BICRA: variants seen among roughly 807,000 people sequenced by gnomAD.
BICRA encodes BRD4 interacting chromatin remodeling complex associated protein.
A neutral mutation model predicts 96.9 loss-of-function variants in BICRA; 31 were observed. The ratio of observed to expected loss-of-function variants is 0.32; its 90% confidence interval spans 0.24 to 0.43. The LOEUF is 0.43. BICRA is among the 20% of genes least tolerant of loss of function. The pLI is 1.00. For synonymous variants in BICRA, 1,350 were observed against 1,071.8 expected (o/e 1.26, Z -5.07); for missense variants, 2,283 against 2,190.3 (o/e 1.04, Z -0.84).
rs1973023579 is a variant in BICRA at position 47,680,455 on chromosome 19, G to GCCACCA, written c.1291_1296dup (p.Thr431_Thr432dup). ...AGCGAACGTCTTCAAGCAGCCACCG[G>GCCACCA]CCACCACCACCGGAGCGGCCCCGCC... On this transcript the variant is annotated inframe_insertion, in exon 6 of 15. Coordinates refer to ENST00000594866, the MANE Select transcript of BICRA (RefSeq NM_001394372.1). 1 of 1,539,778 alleles carries GCCACCA rather than the reference G, an allele frequency of 6.5e-7. No individual in the cohort carries two copies. The highest frequency in any genetic ancestry group is 8.7e-7 in the Non-Finnish European group (1 of 1,146,038).
rs572687679 is a variant in BICRA, at chr19:47,680,181, C to G, written c.1011C>G (p.Val337=). ...CAGGCCTCGGCTCGTCGCCACTGGT[C>G]CCGGCGCCCAACGTGATCCTGCATC... ...VAPGLGSSPL[V]PAPNVILHRT... is the part of the protein sequence containing the mutation. Residue 337 remains valine (V), a synonymous_variant, in exon 6 of 15, where the codon GTC becomes GTG. Transcript: ENST00000594866. 71 of 1,542,306 alleles carry G rather than the reference C, an allele frequency of 4.6e-5. No homozygotes were observed. Among genetic ancestry groups the G allele is most frequent in the Admixed American group, 3.9e-5 (2 of 51,674 alleles).
chr19:47,647,841 T>TG (rs1972483362), intron 1 of BICRA, among the ~76,000 whole-genome samples: 1 of 145,840 alleles, frequency 6.9e-6, no homozygotes, highest in African/African-American at 2.6e-5. Context: ...CTGTCCACGA[T>TG]GGGGGGTGTC....
intron 1 of BICRA, among the ~76,000 whole-genome samples, chr19:47,655,292 G>A (rs565210154): frequency 3.9e-5 from 6 of 151,996 alleles, no homozygotes; most frequent in African/African-American, 1.2e-4. Context: ...TTGGGAGGCC[G>A]AAGCAGGTGG....
intron 7 of BICRA, among the ~76,000 whole-genome samples, chr19:47,691,584 G>A (rs1177612658): frequency 2.6e-5 from 4 of 152,028 alleles, no homozygotes; most frequent in Non-Finnish European, 5.9e-5. Flanking sequence ...TTATTTTTGA[G>A]TCTGAGTCTC....
At chr19:47,666,403 C>T (rs890636546) in intron 1 of BICRA, among the ~76,000 whole-genome samples, 5 of 151,920 alleles carry the variant, frequency 3.3e-5, no homozygotes, top group South Asian at 2.1e-4. Context: ...CCTCAGCCTG[C>T]GGAGTAACTG....
At chr19:47,685,700 G>A (rs1396779461) in intron 7 of BICRA, among the ~76,000 whole-genome samples, 2 of 150,838 alleles carry the variant, frequency 1.3e-5, no homozygotes, top group Non-Finnish European at 2.9e-5. Flanking sequence ...GCACTCGGAA[G>A]GAACTCTGTG....
At chr19:47,695,249 G>A in intron 9 of BICRA, 116 bp from the exon 10 acceptor site, 1 of 763,666 alleles carries the variant, frequency 1.3e-6, no homozygotes, top group Non-Finnish European at 2.2e-6. Context: ...CCCCAGATTT[G>A]AAGGGCCGGA....
intron 1 of BICRA, among the ~76,000 whole-genome samples, chr19:47,611,386 G>A (rs988207974): frequency 2.0e-5 from 3 of 152,130 alleles, no homozygotes; most frequent in Non-Finnish European, 4.4e-5. Context: ...CAGGAACTGA[G>A]AACTGAAGGT....
chr19:47,681,330 A>T, intron 6 of BICRA, 54 bp downstream of exon 6: 1 of 1,476,478 alleles, frequency 6.8e-7, no homozygotes, highest in Non-Finnish European at 9.2e-7. Context: ...TTTGGGAGGA[A>T]GAGGGGTCCT....
At chr19:47,700,917 G>T in intron 14 of BICRA, 1 of 232,308 alleles carries the variant, frequency 4.3e-6, no homozygotes, top group Non-Finnish European at 8.3e-6. Flanking sequence ...CTGTCCAATA[G>T]AACTTCATAT....
intron 1 of BICRA, among the ~76,000 whole-genome samples, chr19:47,635,529 A>G (rs750094034): frequency 3.3e-5 from 5 of 152,142 alleles, no homozygotes; most frequent in Admixed American, 6.6e-5. Flanking sequence ...CTGGGATTGC[A>G]GGCATGAGCC....
At chr19:47,650,064 G>C (rs1972519213) in intron 1 of BICRA, among the ~76,000 whole-genome samples, 2 of 151,918 alleles carry the variant, frequency 1.3e-5, no homozygotes, top group Non-Finnish European at 2.9e-5. Flanking sequence ...TGATTATCCT[G>C]CCTCAGCTTC....
chr19:47,695,342 T>TCCCA, intron 9 of BICRA, 23 bp from the exon 10 acceptor site: 6 of 630,196 alleles, frequency 9.5e-6, no homozygotes, highest in South Asian at 3.9e-5. Flanking sequence ...AGGCCCTGTC[T>TCCCA]CCCCCACCCC....
intron 7 of BICRA, among the ~76,000 whole-genome samples, chr19:47,684,936 CACTT>C (rs779842093): frequency 1.5e-4 from 23 of 152,148 alleles, no homozygotes; most frequent in Non-Finnish European, 1.3e-4. Flanking sequence ...AGTGAACAGA[CACTT>C]ACTGTTAGCA....
chr19:47,673,209 C>T (rs571802596), intron 2 of BICRA, among the ~76,000 whole-genome samples: 2 of 152,246 alleles, frequency 1.3e-5, no homozygotes, highest in South Asian at 2.1e-4. Flanking sequence ...ATGACCCTCC[C>T]GGTGCCTCCA....
At chr19:47,696,209 A>C (rs2123609438) in intron 10 of BICRA, among the ~76,000 whole-genome samples, 1 of 152,190 alleles carries the variant, frequency 6.6e-6, no homozygotes, top group South Asian at 2.1e-4. Flanking sequence ...GAGGGAACCC[A>C]GGCAGAGGAC....
Position 47,702,484 on chromosome 19 carries a change from A to C in BICRA, c.*69A>C. ...CCGGGACAGTCGGGTGTCCGCCCTCAGCCTCCTGGGGACTCGAGCCGGGGA... is the reference window on the plus strand; with the variant it reads ...CCGGGACAGTCGGGTGTCCGCCCTCCGCCTCCTGGGGACTCGAGCCGGGGA... On this transcript the variant is annotated 3_prime_UTR_variant, in exon 15 of 15. Transcript: ENST00000594866. 5 of 1,400,706 alleles carry C rather than the reference A, an allele frequency of 3.6e-6. No homozygotes were observed. Among genetic ancestry groups the C allele is most frequent in the Non-Finnish European group, 4.6e-6 (5 of 1,085,974 alleles). The allele number at this position is 1,400,706 out of a possible 1,614,324, so 86.8% of individuals were successfully genotyped here.
chr19:47,697,122 C>T (rs1422128477), intron 11 of BICRA, among the ~76,000 whole-genome samples: 1 of 151,716 alleles, frequency 6.6e-6, no homozygotes, highest in East Asian at 1.9e-4. Flanking sequence ...TTCTCCTGCC[C>T]CAGCCTCCCA....
At chr19:47,639,665 G>A (rs1233432369) in intron 1 of BICRA, among the ~76,000 whole-genome samples, 1 of 125,174 alleles carries the variant, frequency 8.0e-6, no homozygotes, top group Non-Finnish European at 1.6e-5. Flanking sequence ...TAAGAGACAG[G>A]GTTTCTCTGT....
Sources: allele counts gnomAD v4.1 joint callset (sites outside exome capture counted in the v4.1 genomes callset), GRCh38; gene constraint gnomAD v4.1.1; transcripts MANE v1.5; gene names NCBI Gene and HGNC (gene_info 2026-07-23, HGNC 2026-07-21).